Variants in TSHZ2 observed in about 807,000 individuals in gnomAD.
TSHZ2 encodes teashirt homolog 2.
Under a neutral mutation model 74.4 loss-of-function variants are expected in TSHZ2, and 21 were observed. That is an observed-to-expected ratio of 0.28 (90% CI 0.20 to 0.41). TSHZ2 has a LOEUF of 0.41. TSHZ2 is among the 10% of genes least tolerant of loss of function. The probability of loss-of-function intolerance (pLI) is 1.00; values close to 1 mark genes in which losing one functional copy is unlikely to be tolerated. For synonymous variants in TSHZ2, 540 were observed against 515.3 expected (o/e 1.05, Z -0.65); for missense variants, 1,244 against 1,293.5 (o/e 0.96, Z 0.59).
chr20:53,423,649 C>T lies in TSHZ2; in HGVS notation c.*9-63495C>T, dbSNP rs149896420. Among the ~76,000 whole-genome samples the T allele has an allele frequency of 7.8e-3, 1,189 of 152,298 alleles. 13 individuals carry two copies. The highest frequency in any genetic ancestry group is 0.034 in the Middle Eastern group (10 of 294). ...TTTGTTTAAGACAATCTCCCAAAGT[C>T]AATATGTGCTGGAAACTGTGCTGAG... On this transcript the variant is annotated intron_variant, in intron 2 of 2. Coordinates refer to ENST00000371497, the MANE Select transcript of TSHZ2 (RefSeq NM_173485.6).
chr20:53,308,461 C>T (rs933015123), intron 2 of TSHZ2, among the ~76,000 whole-genome samples: 6 of 152,010 alleles, frequency 3.9e-5, no homozygotes, highest in Admixed American at 2.6e-4. Context: ...TGTATGTACA[C>T]GTGCAGCCGG....
At chr20:53,173,303 G>A (rs1988245866) in intron 1 of TSHZ2, among the ~76,000 whole-genome samples, 1 of 152,232 alleles carries the variant, frequency 6.6e-6, no homozygotes, top group Non-Finnish European at 1.5e-5. Context: ...TGCTAGGTAA[G>A]TATTTAAATA....
At chr20:53,441,410 C>A (rs1440956993) in intron 2 of TSHZ2, among the ~76,000 whole-genome samples, 1 of 151,664 alleles carries the variant, frequency 6.6e-6, no homozygotes, top group Non-Finnish European at 1.5e-5. Flanking sequence ...GGACTATAGG[C>A]ACCCGCCACC....
At chr20:53,030,802 T>C (rs1983608034) in intron 1 of TSHZ2, among the ~76,000 whole-genome samples, 1 of 152,260 alleles carries the variant, frequency 6.6e-6, no homozygotes. Flanking sequence ...ATGCGTAATG[T>C]AAACATTATA....
intron 2 of TSHZ2, among the ~76,000 whole-genome samples, chr20:53,370,071 G>A (rs536435745): frequency 7.9e-5 from 12 of 152,270 alleles, no homozygotes; most frequent in South Asian, 2.1e-4. Context: ...TCACGGTGTC[G>A]TAGGAAGTTC....
chr20:53,458,944 C>A (rs1266280696), intron 2 of TSHZ2, among the ~76,000 whole-genome samples: 1 of 152,196 alleles, frequency 6.6e-6, no homozygotes, highest in South Asian at 2.1e-4. Flanking sequence ...GTTACAATTT[C>A]TGTTCTTTTA....
intron 2 of TSHZ2, among the ~76,000 whole-genome samples, chr20:53,348,325 G>A (rs926340517): frequency 6.6e-6 from 1 of 152,196 alleles, no homozygotes; most frequent in Non-Finnish European, 1.5e-5. Context: ...GATACATGGT[G>A]CAACATGGAT....
chr20:53,033,928 G>A (rs1318115859), intron 1 of TSHZ2, among the ~76,000 whole-genome samples: 2 of 152,028 alleles, frequency 1.3e-5, no homozygotes, highest in Non-Finnish European at 2.9e-5. Flanking sequence ...CTAAAGTGCT[G>A]GGATTGCAGG....
chr20:53,088,477 G>C (rs1406435290), intron 1 of TSHZ2, among the ~76,000 whole-genome samples: 2 of 152,162 alleles, frequency 1.3e-5, no homozygotes, highest in Non-Finnish European at 2.9e-5. Context: ...GATTTGAATG[G>C]AATTGAGGAT....
intron 1 of TSHZ2, among the ~76,000 whole-genome samples, chr20:53,053,254 T>C (rs1984534565): frequency 1.3e-5 from 2 of 152,138 alleles, no homozygotes; most frequent in Non-Finnish European, 2.9e-5. Flanking sequence ...TTTCATGAAA[T>C]GGATATGCCA....
intron 2 of TSHZ2, among the ~76,000 whole-genome samples, chr20:53,305,711 G>A (rs1055167534): frequency 1.3e-5 from 2 of 152,140 alleles, no homozygotes; most frequent in Non-Finnish European, 2.9e-5. Context: ...CGGGTGCGGT[G>A]GCTCACTCCG....
intron 1 of TSHZ2, among the ~76,000 whole-genome samples, chr20:52,997,736 C>T (rs1251451666): frequency 6.6e-6 from 1 of 152,184 alleles, no homozygotes; most frequent in African/African-American, 2.4e-5. Context: ...ACAGCAACTC[C>T]AACTAAATCT....
At chr20:53,202,661 A>T (rs899459067) in intron 1 of TSHZ2, among the ~76,000 whole-genome samples, 4 of 152,198 alleles carry the variant, frequency 2.6e-5, no homozygotes, top group Admixed American at 2.6e-4. Flanking sequence ...CAGAGGATAC[A>T]TTTCAGAAAT....
In TSHZ2 at chr20:53,091,085, C is replaced by A. The variant is rs115984200; in HGVS notation, c.40+117752C>A. ...AGTGGTACACAGATAAACTTCCTAA[C>A]AATTTAATTGTAATGTATTTATTTT... On this transcript the variant is annotated intron_variant, in intron 1 of 2. Transcript: ENST00000371497. Among the ~76,000 whole-genome samples the A allele has an allele frequency of 5.6e-3, 848 of 152,264 alleles. 8 individuals carry two copies. Among genetic ancestry groups the A allele is most frequent in the African/African-American group, 0.02 (822 of 41,544 alleles).
At chr20:53,334,703 AT>A (rs934328543) in intron 2 of TSHZ2, among the ~76,000 whole-genome samples, 12 of 151,470 alleles carry the variant, frequency 7.9e-5, no homozygotes, top group African/African-American at 2.4e-4. Flanking sequence ...TTTAAAAAAA[AT>A]TTTTTTTTGA....
intron 1 of TSHZ2, among the ~76,000 whole-genome samples, chr20:53,005,444 T>C (rs1982609004): frequency 6.6e-6 from 1 of 152,076 alleles, no homozygotes; most frequent in Non-Finnish European, 1.5e-5. Flanking sequence ...AGAGGAGAAA[T>C]GGTGGCCTAG....
intron 2 of TSHZ2, among the ~76,000 whole-genome samples, chr20:53,436,954 T>G (rs1343820062): frequency 6.6e-6 from 1 of 152,158 alleles, no homozygotes; most frequent in Non-Finnish European, 1.5e-5. Flanking sequence ...CCCATTGTCC[T>G]CCTTGTCTCT....
chr20:53,157,578 TG>T (rs1433440675), intron 1 of TSHZ2, among the ~76,000 whole-genome samples: 1 of 152,032 alleles, frequency 6.6e-6, no homozygotes, highest in Non-Finnish European at 1.5e-5. Context: ...CGCCCCGAAT[TG>T]GTATTTTTAA....
At chr20:53,341,444 C>T (rs1385739423) in intron 2 of TSHZ2, among the ~76,000 whole-genome samples, 1 of 151,962 alleles carries the variant, frequency 6.6e-6, no homozygotes, top group Non-Finnish European at 1.5e-5. Flanking sequence ...AGGTTGGCCA[C>T]CCTTGCTAAG....
Sources: allele counts gnomAD v4.1 joint callset (sites outside exome capture counted in the v4.1 genomes callset), GRCh38; gene constraint gnomAD v4.1.1; transcripts MANE v1.5; gene names NCBI Gene and HGNC (gene_info 2026-07-23, HGNC 2026-07-21).